SVEP1: variants seen among roughly 807,000 people sequenced by gnomAD.
SVEP1 encodes sushi, von Willebrand factor type A, EGF and pentraxin domain containing 1, also known as sushi, von Willebrand factor type A, EGF and pentraxin domain-containing protein 1.
In SVEP1, 164 loss-of-function variants were observed where a neutral mutation model predicts 367.3. The observed-to-expected ratio is 0.45, with a 90% CI of 0.39 to 0.51. The LOEUF is 0.51. SVEP1 is among the 20% of genes least tolerant of loss of function. The probability of loss-of-function intolerance (pLI) is 0.00; values close to 1 mark genes in which losing one functional copy is unlikely to be tolerated. For synonymous variants in SVEP1, 1,666 were observed against 1,611.6 expected, an observed-to-expected ratio of 1.03 and a Z score of -0.81; for missense variants, 4,117 against 4,425.3, an observed-to-expected ratio of 0.93 and a Z score of 1.98.
At chr9:110,403,327 A>C (rs1827897713) in intron 39 of SVEP1, among the ~76,000 whole-genome samples, 1 of 37,286 alleles carries the variant, frequency 2.7e-5, no homozygotes, top group Non-Finnish European at 3.9e-5. Context: ...TTTTTTTGAC[A>C]CGGAGTATTG....
At chr9:110,470,060 C>T (rs1051679119) in intron 16 of SVEP1, among the ~76,000 whole-genome samples, 5 of 152,102 alleles carry the variant, frequency 3.3e-5, no homozygotes, top group Non-Finnish European at 7.3e-5. Context: ...TCATGCCATT[C>T]GGTTCAGCTG....
At chr9:110,429,546 T>G (rs910781557) in intron 34 of SVEP1, among the ~76,000 whole-genome samples, 1 of 152,218 alleles carries the variant, frequency 6.6e-6, no homozygotes, top group African/African-American at 2.4e-5. Flanking sequence ...ATTTAAGAAT[T>G]TGGCTTGCCT....
chr9:110,450,238 G>A lies in SVEP1; in HGVS notation c.3924C>T (p.Val1308=), dbSNP rs761841628. ...GFVGLHCETE[V]NECQSNPCLN... is the part of the protein sequence containing the mutation. ...AGCATGGGTTTGACTGGCATTCATT[G>A]ACTTCTGTTTCACAATGCAGGCCTG... Residue 1308 remains valine, a synonymous_variant, in exon 24 of 48, where the codon GTC becomes GTT. Coordinates refer to ENST00000374469, the MANE Select transcript of SVEP1 (RefSeq NM_153366.4). 10 of 1,613,772 alleles carry A rather than the reference G, an allele frequency of 6.2e-6. No homozygotes were observed. In the South Asian group the frequency reaches 9.9e-5, roughly 16 times the overall value.
At chr9:110,494,360 T>C (rs1187643872) in intron 8 of SVEP1, among the ~76,000 whole-genome samples, 9 of 152,184 alleles carry the variant, frequency 5.9e-5, no homozygotes. Context: ...AGCTTTGAAG[T>C]GGATACAAGA....
intron 9 of SVEP1, among the ~76,000 whole-genome samples, chr9:110,485,998 T>C (rs1230515821): frequency 1.3e-5 from 2 of 152,288 alleles, no homozygotes; most frequent in African/African-American, 4.8e-5. Context: ...GTGATGCAGT[T>C]TATTATTTCA....
At chr9:110,520,973 A>G (rs1458060412) in intron 3 of SVEP1, among the ~76,000 whole-genome samples, 3 of 152,180 alleles carry the variant, frequency 2.0e-5, no homozygotes, top group African/African-American at 7.2e-5. Context: ...TTTCTGCTAT[A>G]AATAGGTAAG....
chr9:110,485,237 T>C (rs1236044812), intron 9 of SVEP1, among the ~76,000 whole-genome samples: 1 of 152,208 alleles, frequency 6.6e-6, no homozygotes, highest in East Asian at 1.9e-4. Flanking sequence ...ATAGACACCA[T>C]GGAATACTAT....
At chr9:110,522,582 C>T (rs1278129709) in intron 3 of SVEP1, among the ~76,000 whole-genome samples, 1 of 152,148 alleles carries the variant, frequency 6.6e-6, no homozygotes, top group Non-Finnish European at 1.5e-5. Flanking sequence ...TGCATACTTG[C>T]TGAATGTCCG....
In SVEP1 at chr9:110,562,844, C is replaced by T. The variant is rs568777493; in HGVS notation, c.532-12740G>A. On this transcript the variant is annotated intron_variant, in intron 1 of 47. Coordinates refer to ENST00000374469, the MANE Select transcript of SVEP1 (RefSeq NM_153366.4). ...AGTTGGGATTACAGGTGCCTGCCAC[C>T]GCACCCGGCCAATTTTTTTGTATTT... 2.3e-3 allele frequency among the ~76,000 whole-genome samples: 351 copies of T among 152,140 alleles called. 1 individual carries two copies. The highest frequency in any genetic ancestry group is 7.6e-3 in the African/African-American group (316 of 41,496).
intron 3 of SVEP1, among the ~76,000 whole-genome samples, chr9:110,521,735 T>A (rs1421283873): frequency 6.6e-6 from 1 of 152,218 alleles, no homozygotes; most frequent in Non-Finnish European, 1.5e-5. Flanking sequence ...TCCTGATTTT[T>A]ATAATTAAAA....
chr9:110,503,437 C>T (rs1479911448), intron 5 of SVEP1, among the ~76,000 whole-genome samples: 1 of 152,162 alleles, frequency 6.6e-6, no homozygotes. Context: ...GCATGCAGCC[C>T]TCTGCCCATA....
At chr9:110,515,286 T>A (rs1235730115) in intron 3 of SVEP1, among the ~76,000 whole-genome samples, 3 of 148,254 alleles carry the variant, frequency 2.0e-5, no homozygotes, top group Non-Finnish European at 4.4e-5. Context: ...CAATGTGCAT[T>A]TATGTGGGGA....
At chr9:110,559,990 T>G (rs1830405248) in intron 1 of SVEP1, among the ~76,000 whole-genome samples, 1 of 152,164 alleles carries the variant, frequency 6.6e-6, no homozygotes, top group South Asian at 2.1e-4. Context: ...TATGTCTGTT[T>G]GTGTATGTAT....
At position 110,436,433 on chromosome 9, in the gene SVEP1, C is replaced by A; in HGVS notation, c.4711G>T (p.Val1571Leu). 1 of 1,613,938 alleles carries A rather than the reference C, an allele frequency of 6.2e-7. No homozygotes were observed. Among genetic ancestry groups the A allele is most frequent in the Non-Finnish European group, 8.5e-7 (1 of 1,179,874 alleles). The change falls in exon 28 of 48, where the codon GTG (valine) becomes TTG (leucine). Residue 1571 changes from valine to leucine, a missense_variant. Physicochemically the swap from Val to Leu is conservative, Grantham distance 32. Around this residue, in one of 4 missense-constraint regions of SVEP1, gnomAD observed 2,174 missense variants for 2,494.3 expected, o/e 0.87. Transcript: ENST00000374469. ...GEGFSPAESF[V>L]GSISQLNLWD... ...AGGTTGAGCTGGCTTATGGAGCCCACAAAAGACTCAGCTGGGCTGAATCCC... is the reference window on the plus strand; with the variant it reads ...AGGTTGAGCTGGCTTATGGAGCCCAAAAAAGACTCAGCTGGGCTGAATCCC...
chr9:110,496,791 T>A, intron 8 of SVEP1, 24 bp downstream of exon 8: 1 of 1,476,190 alleles, frequency 6.8e-7, no homozygotes, highest in Non-Finnish European at 9.3e-7. Context: ...TTGAAAAGGA[T>A]GCACATAATT....
chr9:110,455,494 T>C lies in SVEP1; in HGVS notation c.3787+96A>G, dbSNP rs1004329753. ...TCTTCAATATGTTTATAATATTCTA[T>C]AAATGTATCTTTGACACATTCCAAA... On this transcript the variant is annotated intron_variant, in intron 22 of 47. Transcript: ENST00000374469. 11 of 822,544 alleles carry C rather than the reference T, an allele frequency of 1.3e-5. No individual in the cohort carries two copies. In the African/African-American group the frequency reaches 1.9e-4, roughly 14 times the overall value. The allele number at this position is 822,544 out of a possible 1,614,324, so 51.0% of individuals were successfully genotyped here.
rs199603982 is a variant in SVEP1 at position 110,379,547 on chromosome 9, T to G, written c.10238-30A>C. On this transcript the variant is annotated intron_variant, in intron 43 of 47. Coordinates refer to ENST00000374469, the MANE Select transcript of SVEP1 (RefSeq NM_153366.4). ...AGGATAACAAAACAACAATTAAGCT[T>G]GTGCTATTAACACAGACTGAGAACA... The G allele has an allele frequency of 6.9e-5, 111 of 1,610,572 alleles. No homozygotes were observed. In the African/African-American group the frequency reaches 1.4e-3, roughly 20 times the overall value.
chr9:110,566,787 G>C (rs1472752636), intron 1 of SVEP1, among the ~76,000 whole-genome samples: 1 of 152,208 alleles, frequency 6.6e-6, no homozygotes, highest in Non-Finnish European at 1.5e-5. Context: ...GCGATATGGA[G>C]AGAGGACATG....
chr9:110,513,622 A>G (rs1389822582), intron 4 of SVEP1, among the ~76,000 whole-genome samples: 2 of 152,216 alleles, frequency 1.3e-5, no homozygotes, highest in Admixed American at 6.5e-5. Flanking sequence ...CAGAGCCAAG[A>G]TGAGCTCATT....
Sources: allele counts gnomAD v4.1 joint callset (sites outside exome capture counted in the v4.1 genomes callset), GRCh38; gene constraint gnomAD v4.1.1; regional missense constraint gnomAD v4.1.1; transcripts MANE v1.5; gene names NCBI Gene and HGNC (gene_info 2026-07-23, HGNC 2026-07-21).